ZNF800: variants seen among roughly 807,000 people sequenced by gnomAD.
ZNF800 encodes zinc finger protein 800.
In ZNF800, 13 loss-of-function variants were observed where a neutral mutation model predicts 59.5. The ratio of observed to expected loss-of-function variants is 0.22; its 90% CI spans 0.14 to 0.35. ZNF800 has a LOEUF of 0.35. ZNF800 is among the 10% of genes least tolerant of loss of function. ZNF800 has a pLI of 1.00. For missense variants in ZNF800, 621 were observed against 783.7 expected (o/e 0.79, Z 2.48); for synonymous variants, 266 against 265.7 (o/e 1.00, Z -0.01).
At chr7:127,352,406 A>C (rs1800184295) in intron 1 of ZNF800, among the ~76,000 whole-genome samples, 1 of 152,348 alleles carries the variant, frequency 6.6e-6, no homozygotes, top group East Asian at 1.9e-4. Flanking sequence ...AGAAATGAAG[A>C]AAGCAAAAGC....
chr7:127,383,638 T>A (rs963347043), intron 3 of ZNF800, among the ~76,000 whole-genome samples: 1 of 152,174 alleles, frequency 6.6e-6, no homozygotes, highest in Non-Finnish European at 1.5e-5. Context: ...TCAACTTAAA[T>A]GCCTTAGTGC....
At chr7:127,378,248 T>A (rs1800844550) in intron 3 of ZNF800, among the ~76,000 whole-genome samples, 1 of 151,854 alleles carries the variant, frequency 6.6e-6, no homozygotes. Context: ...AGAGAAAAAA[T>A]AAATGGTAAA....
rs978127077 is a variant in ZNF800, at chr7:127,375,080, T to A, written c.302-46A>T. The A allele has an allele frequency of 4.2e-6, 6 of 1,437,230 alleles. 1 individual carries two copies. Among genetic ancestry groups the A allele is most frequent in the Non-Finnish European group, 5.5e-6 (6 of 1,082,440 alleles). 89.0% of individuals were successfully genotyped at this position (1,437,230 alleles called of 1,614,324 possible). A position where few individuals can be genotyped will look rare whatever the true frequency, so the allele number is the denominator to read the frequency against. ...TTTTAATCTGAAGTAATTAGCCTGCTGTAGCCCTCTAATATTTTAAGATAT... is the reference window on the plus strand; with the variant it reads ...TTTTAATCTGAAGTAATTAGCCTGCAGTAGCCCTCTAATATTTTAAGATAT... On this transcript the variant is annotated intron_variant, in intron 4 of 5. Coordinates refer to ENST00000265827, the MANE Select transcript of ZNF800 (RefSeq NM_176814.5).
chr7:127,355,079 T>C (rs2117030481), intron 1 of ZNF800, among the ~76,000 whole-genome samples: 1 of 152,194 alleles, frequency 6.6e-6, no homozygotes, highest in South Asian at 2.1e-4. Context: ...AGGTAGAATT[T>C]TGTGGTAGAG....
At chr7:127,363,630 GT>G (rs1800441313) in intron 1 of ZNF800, 1 of 151,152 alleles carries the variant, frequency 6.6e-6, no homozygotes, top group African/African-American at 2.4e-5. Flanking sequence ...CACCCAGGAG[GT>G]CAGGGAATAC....
chr7:127,380,582 C>T (rs17867841), intron 3 of ZNF800, among the ~76,000 whole-genome samples: 17,850 of 152,140 alleles, frequency 0.12, 1,173 homozygotes, highest in Middle Eastern at 0.26. Context: ...TCAAAGTCAG[C>T]TACCATTTTC....
downstream of ZNF800, among the ~76,000 whole-genome samples, chr7:127,345,002 A>G (rs1252583094): frequency 6.6e-6 from 1 of 152,232 alleles, no homozygotes; most frequent in Non-Finnish European, 1.5e-5. Context: ...ATTTCTGTTT[A>G]TCAAAGACAT....
chr7:127,364,013 T>G (rs923095921), intron 1 of ZNF800: 3 of 152,158 alleles, frequency 2.0e-5, no homozygotes, highest in Non-Finnish European at 4.4e-5. Context: ...TATGTAATTG[T>G]ATATTTCTAT....
downstream of ZNF800, among the ~76,000 whole-genome samples, chr7:127,344,435 T>C (rs949978500): frequency 2.6e-5 from 4 of 152,092 alleles, no homozygotes; most frequent in African/African-American, 7.2e-5. Context: ...ACAAAGTTGG[T>C]AATTCTCCCC....
Position 127,377,289 on chromosome 7 carries a change from G to A in ZNF800, c.198C>T (p.Asp66=). 6.2e-7 allele frequency: 1 copy of A among 1,609,562 alleles called. No homozygotes were observed. The highest frequency in any genetic ancestry group is 1.3e-5 in the African/African-American group (1 of 74,854). ...GGCATAACTTACATTCAAAAATAGTGTCCACATCTTTTAATAAAATATGCT... is the reference window on the plus strand; with the variant it reads ...GGCATAACTTACATTCAAAAATAGTATCCACATCTTTTAATAAAATATGCT... ...QLKHILLKDV[D]TIFECKLCRS... is the part of the protein sequence containing the mutation. The change falls in exon 4 of 6, where the codon GAC becomes GAT. Residue 66 remains aspartate (D), a synonymous_variant. Transcript: ENST00000265827. This position sits in a 1 kb window ranked among gnomAD's most constrained non-coding sequence, Gnocchi z 4.7.
intron 3 of ZNF800, among the ~76,000 whole-genome samples, chr7:127,379,724 C>CA (rs887205511): frequency 3.9e-5 from 6 of 151,928 alleles, no homozygotes; most frequent in Non-Finnish European, 8.8e-5. Flanking sequence ...AAGTTATATT[C>CA]AGTAGGGACT....
intron 4 of ZNF800, among the ~76,000 whole-genome samples, chr7:127,375,593 T>C (rs17865103): frequency 0.013 from 1,939 of 152,202 alleles, 39 homozygotes; most frequent in African/African-American, 0.043. Context: ...TAGAAGTATT[T>C]GCTAAACTCA....
downstream of ZNF800, among the ~76,000 whole-genome samples, chr7:127,367,816 T>C (rs1446431974): frequency 2.0e-5 from 3 of 152,134 alleles, no homozygotes; most frequent in Admixed American, 2.0e-4. Context: ...CCGTACAAAA[T>C]TATCAAGAGA....
intron 1 of ZNF800, chr7:127,361,071 G>A (rs1217855590): frequency 6.6e-6 from 1 of 152,232 alleles, no homozygotes; most frequent in Non-Finnish European, 1.5e-5. Context: ...AGTCTAGTTG[G>A]GGAGACCCAA....
chr7:127,359,712 G>A (rs1242309388), intron 1 of ZNF800: 1 of 151,464 alleles, frequency 6.6e-6, no homozygotes, highest in East Asian at 1.9e-4. Context: ...CAGGAGGATC[G>A]GAAATGAGAA....
chr7:127,377,367 G>T lies in ZNF800; in HGVS notation c.158-38C>A. The T allele has an allele frequency of 6.4e-7, 1 of 1,553,366 alleles. No homozygotes were observed. On this transcript the variant is annotated intron_variant, in intron 3 of 5. Coordinates refer to ENST00000265827, the MANE Select transcript of ZNF800 (RefSeq NM_176814.5). The surrounding 1 kb of genome is among the most constrained non-coding windows in gnomAD (Gnocchi z 4.7). The stretch of plus-strand genomic sequence containing the variant: ...AGAAAAGAAAAACTTAACACAAAAG[G>T]TAACTTTAACATGCACTTTTAAACT...
In ZNF800 at chr7:127,371,327, TGTC is replaced by T; in HGVS notation, c.*484_*486del. On this transcript the variant is annotated 3_prime_UTR_variant, in exon 6 of 6. Coordinates refer to ENST00000265827, the MANE Select transcript of ZNF800 (RefSeq NM_176814.5). ...TATTTATAATGTGTTGATACTATTT[TGTC>T]TTTTGTTCCTAACATACACTCACTA... The T allele has an allele frequency of 6.5e-6, 1 of 152,736 alleles. No individual in the cohort carries two copies. The highest frequency in any genetic ancestry group is 2.1e-4 in the South Asian group (1 of 4,840). 9.5% of individuals were successfully genotyped at this position (152,736 alleles called of 1,614,324 possible).
intron 4 of ZNF800, among the ~76,000 whole-genome samples, chr7:127,375,962 T>C (rs1800779436): frequency 6.6e-6 from 1 of 151,946 alleles, no homozygotes; most frequent in Non-Finnish European, 1.5e-5. Flanking sequence ...CGAAGACAAG[T>C]ACACAGTAAT....
chr7:127,356,351 T>A (rs1282054453), intron 1 of ZNF800, among the ~76,000 whole-genome samples: 1 of 151,990 alleles, frequency 6.6e-6, no homozygotes, highest in African/African-American at 2.4e-5. Flanking sequence ...TAAAAATGTA[T>A]TTCTAAAATG....
Sources: allele counts gnomAD v4.1 joint callset (sites outside exome capture counted in the v4.1 genomes callset), GRCh38; gene constraint gnomAD v4.1.1; non-coding constraint Gnocchi (gnomAD v3.1); transcripts MANE v1.5; gene names NCBI Gene and HGNC (gene_info 2026-07-23, HGNC 2026-07-21).